AGTPBP1: variants seen among roughly 807,000 people sequenced by gnomAD.
The protein encoded by AGTPBP1 is cytosolic carboxypeptidase 1.
AGTPBP1 carries 70 observed loss-of-function variants against 143.9 expected under a neutral mutation model. The ratio of observed to expected loss-of-function variants is 0.49; its 90% confidence interval spans 0.40 to 0.59. AGTPBP1 has a LOEUF of 0.59. Among genes scored for constraint, AGTPBP1 ranks in the 20% least tolerant of loss-of-function variants. AGTPBP1 has a pLI of 0.00. For synonymous variants in AGTPBP1, 463 were observed against 500.2 expected, an observed-to-expected ratio of 0.93 and a Z score of 0.99; for missense variants, 1,229 against 1,464.5, an observed-to-expected ratio of 0.84 and a Z score of 2.62.
In AGTPBP1 at chr9:85,702,879, GTCTGCCTGA is replaced by G. The variant is rs1266580836; in HGVS notation, c.32+9614_32+9622del. On this transcript the variant is annotated intron_variant, in intron 2 of 25. Transcript: ENST00000357081. ...TATTGGTTTACATAATTGTTGAATAGTCTGCCTGATCTGCTTCTCTGGACCAATTCCATC... is the reference window on the plus strand; with the variant it reads ...TATTGGTTTACATAATTGTTGAATAGTCTGCTTCTCTGGACCAATTCCATC... Among the ~76,000 whole-genome samples the G allele has an allele frequency of 3.9e-5, 6 of 152,152 alleles. No homozygotes were observed. The East Asian group carries it at 1.2e-3, about 29-fold the overall frequency.
At chr9:85,574,178 C>A (rs900573370) in intron 25 of AGTPBP1, among the ~76,000 whole-genome samples, 1 of 152,012 alleles carries the variant, frequency 6.6e-6, no homozygotes, top group Admixed American at 6.5e-5. Context: ...TACCCCCAAC[C>A]CTGTGCTCTC....
At chr9:85,741,581 C>A in intron 1 of AGTPBP1, 194 bp downstream of exon 1, 1 of 985,426 alleles carries the variant, frequency 1.0e-6, no homozygotes, top group African/African-American at 1.7e-5. Flanking sequence ...CCCGTCAGGG[C>A]TTTCCCTCAA....
chr9:85,604,418 C>A (rs929978859), intron 17 of AGTPBP1, among the ~76,000 whole-genome samples: 5 of 152,136 alleles, frequency 3.3e-5, no homozygotes, highest in East Asian at 1.9e-4. Flanking sequence ...AGGCTTGGGT[C>A]CCCCCTAATG....
At chr9:85,598,969 G>A (rs556779375) in intron 17 of AGTPBP1, among the ~76,000 whole-genome samples, 24 of 152,084 alleles carry the variant, frequency 1.6e-4, no homozygotes, top group Non-Finnish European at 2.4e-4. Flanking sequence ...TCATCCGCCC[G>A]CCTCGGCCTC....
the AGTPBP1 span, among the ~76,000 whole-genome samples, chr9:85,754,071 T>G: frequency 6.6e-6 from 1 of 152,210 alleles, no homozygotes; most frequent in African/African-American, 2.4e-5. Flanking sequence ...TGTTTTTCCT[T>G]GCTCTCAGCA....
At chr9:85,666,311 A>G (rs1340224126) in intron 8 of AGTPBP1, among the ~76,000 whole-genome samples, 2 of 152,146 alleles carry the variant, frequency 1.3e-5, no homozygotes, top group African/African-American at 4.8e-5. Flanking sequence ...CCTAAAATTA[A>G]AAAGGAGAGG....
chr9:85,551,216 C>T (rs1011787082), intron 25 of AGTPBP1, among the ~76,000 whole-genome samples: 57 of 152,084 alleles, frequency 3.7e-4, no homozygotes, highest in African/African-American at 1.3e-3. Flanking sequence ...ATAAATTACC[C>T]GGTCTCAGTT....
chr9:85,651,714 A>G (rs551228109), intron 11 of AGTPBP1, among the ~76,000 whole-genome samples: 1 of 152,322 alleles, frequency 6.6e-6, no homozygotes, highest in Non-Finnish European at 1.5e-5. Context: ...ACATATGGTG[A>G]CAACTAATAA....
At chr9:85,768,524 C>T in the AGTPBP1 span, among the ~76,000 whole-genome samples, 2 of 152,066 alleles carry the variant, frequency 1.3e-5, no homozygotes, top group South Asian at 4.2e-4. Flanking sequence ...TTTCCAAGAA[C>T]CTATTGATGA....
At chr9:85,570,462 A>G (rs945410647) in intron 25 of AGTPBP1, among the ~76,000 whole-genome samples, 5 of 152,190 alleles carry the variant, frequency 3.3e-5, no homozygotes, top group African/African-American at 1.2e-4. Context: ...GCCCTACCCT[A>G]AAACCTAATG....
the AGTPBP1 span, among the ~76,000 whole-genome samples, chr9:85,798,221 G>C: frequency 6.6e-6 from 1 of 151,968 alleles, no homozygotes; most frequent in African/African-American, 2.4e-5. Flanking sequence ...TCTGTTTCTT[G>C]ATATACACCT....
At chr9:85,804,752 T>A in the AGTPBP1 span, among the ~76,000 whole-genome samples, 1 of 152,184 alleles carries the variant, frequency 6.6e-6, no homozygotes, top group Non-Finnish European at 1.5e-5. Flanking sequence ...CCAAGGGAGA[T>A]AACGTCAAAG....
chr9:85,641,729 A>G (rs637604), intron 13 of AGTPBP1, among the ~76,000 whole-genome samples: 76,442 of 151,702 alleles, frequency 0.5, 21,933 homozygotes, highest in East Asian at 0.87. Flanking sequence ...ACGAAGTCTC[A>G]TTCTGTTGCC....
rs527351693 is a variant in AGTPBP1, at chr9:85,604,490, G to C, written c.2336-8041C>G. ...ACACTCAATTCCCTTTGAATATTTG[G>C]AAACCCTTCCCAAGAAAGATGGGTA... On this transcript the variant is annotated intron_variant, in intron 17 of 25. Transcript: ENST00000357081. 6.6e-5 allele frequency among the ~76,000 whole-genome samples: 10 copies of C among 152,220 alleles called. No individual in the cohort carries two copies. The East Asian group carries it at 1.9e-3, about 29-fold the overall frequency.
intron 11 of AGTPBP1, among the ~76,000 whole-genome samples, chr9:85,652,503 T>C (rs189169352): frequency 6.6e-6 from 1 of 152,142 alleles, no homozygotes; most frequent in Non-Finnish European, 1.5e-5. Context: ...AGAGTGAGAC[T>C]TCATCTCAAA....
At chr9:85,679,660 G>C (rs148612332) in intron 4 of AGTPBP1, among the ~76,000 whole-genome samples, 1 of 152,134 alleles carries the variant, frequency 6.6e-6, no homozygotes, top group Non-Finnish European at 1.5e-5. Flanking sequence ...TGCCCATCTC[G>C]GCCTCCCAAA....
At chr9:85,651,777 G>T (rs1406920366) in intron 11 of AGTPBP1, among the ~76,000 whole-genome samples, 3 of 152,178 alleles carry the variant, frequency 2.0e-5, no homozygotes, top group Non-Finnish European at 2.9e-5. Flanking sequence ...CATAGATGCA[G>T]CATTTAACAT....
At chr9:85,787,065 C>T in the AGTPBP1 span, among the ~76,000 whole-genome samples, 3 of 152,120 alleles carry the variant, frequency 2.0e-5, no homozygotes, top group Admixed American at 2.0e-4. Flanking sequence ...CTAAGACAAC[C>T]TCTCAGCTTT....
chr9:85,745,960 G>T (rs1003706597), upstream of AGTPBP1, among the ~76,000 whole-genome samples: 1 of 152,184 alleles, frequency 6.6e-6, no homozygotes, highest in Non-Finnish European at 1.5e-5. Context: ...GTGAATGCCA[G>T]CAGAAACTCG....
Sources: gnomAD v4.1 joint callset for allele counts (sites outside exome capture counted in the v4.1 genomes callset) on GRCh38, gnomAD v4.1.1 for gene constraint, MANE v1.5 for transcripts, NCBI Gene and HGNC (gene_info 2026-07-23, HGNC 2026-07-21) for gene names.